The following KAZN variants were observed in gnomAD, a reference collection of about 807,000 sequenced individuals.
KAZN encodes the protein kazrin, periplakin interacting protein, also known as kazrin.
A neutral mutation model predicts 87.4 loss-of-function variants in KAZN; 40 were observed. That is an observed-to-expected ratio of 0.46 (90% CI 0.36 to 0.60). KAZN has a LOEUF of 0.60. KAZN is among the 20% of genes least tolerant of loss of function. The probability of loss-of-function intolerance (pLI) is 0.00; values close to 1 mark genes in which losing one functional copy is unlikely to be tolerated. For synonymous variants in KAZN, 466 were observed against 458.3 expected, an observed-to-expected ratio of 1.02 and a Z score of -0.22; for missense variants, 898 against 1,073.9, an observed-to-expected ratio of 0.84 and a Z score of 2.29.
upstream of KAZN, among the ~76,000 whole-genome samples, chr1:14,596,308 GCACACA>G (rs56758780): frequency 0.01 from 1,532 of 149,808 alleles, 12 homozygotes; most frequent in African/African-American, 0.029. Context: ...ACACGTGTGC[GCACACA>G]CACACACACA....
At chr1:14,373,153 T>C (rs2101023047) in intron 2 of KAZN, among the ~76,000 whole-genome samples, 1 of 151,954 alleles carries the variant, frequency 6.6e-6, no homozygotes, top group East Asian at 1.9e-4. Context: ...GAAGTGGATA[T>C]AGTCTCATTG....
chr1:14,050,908 G>T (rs1209873042), intron 1 of KAZN, among the ~76,000 whole-genome samples: 1 of 152,210 alleles, frequency 6.6e-6, no homozygotes, highest in Non-Finnish European at 1.5e-5. Flanking sequence ...CATGTATTAT[G>T]ACAAACAAGC....
intron 1 of KAZN, among the ~76,000 whole-genome samples, chr1:14,174,364 A>C (rs542357971): frequency 4.6e-5 from 7 of 152,182 alleles, no homozygotes; most frequent in African/African-American, 1.7e-4. Context: ...TGTCAACGTG[A>C]TGTTGCTCAG....
intron 2 of KAZN, among the ~76,000 whole-genome samples, chr1:14,233,138 ATTT>A (rs926283308): frequency 5.4e-5 from 8 of 147,364 alleles, no homozygotes; most frequent in South Asian, 2.1e-4. Context: ...AAATTCTTTT[ATTT>A]TTTTTTTTGA....
intron 1 of KAZN, among the ~76,000 whole-genome samples, chr1:13,975,313 T>C (rs1638285313): frequency 6.6e-6 from 1 of 152,224 alleles, no homozygotes; most frequent in Non-Finnish European, 1.5e-5. Flanking sequence ...GAACACTTGG[T>C]TACTTCATCA....
chr1:14,428,106 T>C lies in KAZN; in HGVS notation c.250-170877T>C, dbSNP rs551299024. On this transcript the variant is annotated intron_variant, in intron 2 of 16. Coordinates refer to the KAZN transcript ENST00000636203. ...ATTTATGTCAGGTTCCTAAATGCTG[T>C]ACATGGTAGCTCATCTTAATTAAAG... is the stretch of plus-strand genomic sequence containing the variant. Among the ~76,000 whole-genome samples the C allele has an allele frequency of 5.9e-5, 9 of 152,330 alleles. No individual in the cohort carries two copies. The East Asian group carries it at 1.4e-3, about 23-fold the overall frequency.
chr1:15,103,070 C>T (rs1348286259), intron 11 of KAZN, among the ~76,000 whole-genome samples: 1 of 152,238 alleles, frequency 6.6e-6, no homozygotes. Flanking sequence ...CGAGACCAGC[C>T]TGGCCAACAT....
intron 2 of KAZN, among the ~76,000 whole-genome samples, chr1:14,492,255 G>A (rs1032904221): frequency 4.6e-5 from 7 of 152,028 alleles, no homozygotes; most frequent in Admixed American, 1.3e-4. Flanking sequence ...GGTTCTTCTG[G>A]GCCCAGATGG....
chr1:15,017,130 T>G (rs942940898), intron 2 of KAZN, among the ~76,000 whole-genome samples: 1 of 151,698 alleles, frequency 6.6e-6, no homozygotes, highest in African/African-American at 2.4e-5. Context: ...AAACCCTGTC[T>G]CTACTGAAAA....
intron 1 of KAZN, among the ~76,000 whole-genome samples, chr1:13,896,239 C>T (rs778470216): frequency 2.0e-4 from 30 of 152,242 alleles, no homozygotes; most frequent in Non-Finnish European, 4.1e-4. Flanking sequence ...TTGGCTCTAC[C>T]GTTGTAGCAT....
intron 2 of KAZN, among the ~76,000 whole-genome samples, chr1:14,280,396 AAAG>A (rs1652757302): frequency 6.6e-6 from 1 of 150,532 alleles, no homozygotes; most frequent in African/African-American, 2.4e-5. Context: ...AAAAAAAAAA[AAAG>A]ACGAGGTTGC....
At chr1:13,910,830 G>T (rs1032942944) in intron 1 of KAZN, among the ~76,000 whole-genome samples, 1 of 151,974 alleles carries the variant, frequency 6.6e-6, no homozygotes, top group Non-Finnish European at 1.5e-5. Context: ...GGCTGTTCTT[G>T]CACTGCTATA....
intron 2 of KAZN, among the ~76,000 whole-genome samples, chr1:14,397,294 G>A (rs1235243121): frequency 6.6e-6 from 1 of 152,140 alleles, no homozygotes. Flanking sequence ...CCAAGATCAG[G>A]GCACCAGCAT....
intron 2 of KAZN, among the ~76,000 whole-genome samples, chr1:14,302,275 A>G (rs1047068227): frequency 6.6e-6 from 1 of 152,244 alleles, no homozygotes; most frequent in African/African-American, 2.4e-5. Flanking sequence ...AGACAGATCT[A>G]TAATGAAGTT....
At chr1:14,903,387 G>A (rs1470688718) in intron 1 of KAZN, among the ~76,000 whole-genome samples, 2 of 152,232 alleles carry the variant, frequency 1.3e-5, no homozygotes, top group East Asian at 3.8e-4. Flanking sequence ...TTTCGTCCCA[G>A]CCTTTCAGGT....
intron 2 of KAZN, among the ~76,000 whole-genome samples, chr1:14,222,849 G>T (rs1045574930): frequency 4.6e-5 from 7 of 152,066 alleles, no homozygotes; most frequent in Middle Eastern, 3.2e-3. Context: ...TGATGAATAG[G>T]TATCTCAGGA....
intron 2 of KAZN, among the ~76,000 whole-genome samples, chr1:15,029,942 C>T (rs1303957532): frequency 2.0e-5 from 3 of 152,168 alleles, no homozygotes; most frequent in African/African-American, 7.2e-5. Context: ...GGTCAGCGCC[C>T]CTGCCCTCCA....
chr1:14,783,836 A>T (rs1357649384), intron 1 of KAZN, among the ~76,000 whole-genome samples: 4 of 152,086 alleles, frequency 2.6e-5, no homozygotes, highest in Non-Finnish European at 5.9e-5. Context: ...TGATGGAAGT[A>T]ATGGGGGTGG....
chr1:14,283,110 A>T (rs915153993), intron 2 of KAZN, among the ~76,000 whole-genome samples: 2 of 152,198 alleles, frequency 1.3e-5, no homozygotes, highest in African/African-American at 4.8e-5. Flanking sequence ...TCCAAGCCAG[A>T]TCATTTCCTT....
Sources: gnomAD v4.1 joint callset for allele counts (sites outside exome capture counted in the v4.1 genomes callset) on GRCh38, gnomAD v4.1.1 for gene constraint, MANE v1.5 for transcripts, NCBI Gene and HGNC (gene_info 2026-07-23, HGNC 2026-07-21) for gene names.